Variants in SPON1 observed in about 807,000 individuals in gnomAD.
The protein encoded by SPON1 is spondin 1, also known as spondin-1.
In SPON1, 52 loss-of-function variants were observed where a neutral mutation model predicts 111.7. The ratio of observed to expected loss-of-function variants is 0.47; its 90% CI spans 0.37 to 0.59. The LOEUF (loss-of-function observed/expected upper bound fraction) is 0.59. SPON1 is among the 20% of genes least tolerant of loss of function. The probability of loss-of-function intolerance (pLI) is 0.00; values close to 1 mark genes in which losing one functional copy is unlikely to be tolerated. For missense variants in SPON1, 957 were observed against 1,068.5 expected, an observed-to-expected ratio of 0.90 and a Z score of 1.46; for synonymous variants, 410 against 395.8, an observed-to-expected ratio of 1.04 and a Z score of -0.43.
intron 2 of SPON1, among the ~76,000 whole-genome samples, chr11:14,014,853 A>G (rs1321854117): frequency 6.6e-6 from 1 of 152,232 alleles, no homozygotes; most frequent in East Asian, 1.9e-4. Flanking sequence ...CATGCATGCT[A>G]TAATACAAAG....
At chr11:14,178,944 G>A (rs1554933426) in intron 6 of SPON1, among the ~76,000 whole-genome samples, 2 of 152,194 alleles carry the variant, frequency 1.3e-5, no homozygotes, top group African/African-American at 4.8e-5. Flanking sequence ...TAATTTCAAT[G>A]ACTTGAATCA....
At chr11:14,031,494 G>A (rs1424620666) in intron 2 of SPON1, among the ~76,000 whole-genome samples, 1 of 152,122 alleles carries the variant, frequency 6.6e-6, no homozygotes, top group African/African-American at 2.4e-5. Context: ...TTATGTTTCT[G>A]TTAAGTTCAG....
chr11:14,244,746 TCAA>T (rs782538426), intron 7 of SPON1, among the ~76,000 whole-genome samples: 5 of 152,168 alleles, frequency 3.3e-5, no homozygotes, highest in East Asian at 1.9e-4. Context: ...AGACTCTGTC[TCAA>T]CAACAACAAA....
chr11:14,192,823 C>A (rs184473968), intron 6 of SPON1, among the ~76,000 whole-genome samples: 1 of 150,394 alleles, frequency 6.6e-6, no homozygotes, highest in Non-Finnish European at 1.5e-5. Context: ...CCAATATAGT[C>A]CAAACTGAGG....
chr11:14,253,762 T>C (rs185724410), intron 7 of SPON1, among the ~76,000 whole-genome samples: 16 of 152,336 alleles, frequency 1.1e-4, no homozygotes, highest in Middle Eastern at 6.8e-3. Flanking sequence ...TAACCACTTA[T>C]TCACTTTCAT....
At chr11:14,251,362 C>G (rs1554940644) in intron 7 of SPON1, among the ~76,000 whole-genome samples, 1 of 152,220 alleles carries the variant, frequency 6.6e-6, no homozygotes, top group Non-Finnish European at 1.5e-5. Flanking sequence ...TAGAGGGTAT[C>G]TCGCTTCAGC....
chr11:14,092,815 G>A (rs1422656784), intron 5 of SPON1, among the ~76,000 whole-genome samples: 1 of 152,140 alleles, frequency 6.6e-6, no homozygotes, highest in African/African-American at 2.4e-5. Flanking sequence ...AATTTTACAA[G>A]TGAAAAACTG....
In SPON1 at chr11:14,162,696, T is replaced by C. The variant is rs543633341; in HGVS notation, c.825+27128T>C. ...CCTTTTCTCACTCATATCTCATCAA[T>C]TTCAAAAGATTTTACCAAATTATGT... is the stretch of plus-strand genomic sequence containing the variant. On this transcript the variant is annotated intron_variant, in intron 6 of 15. Coordinates refer to ENST00000576479, the MANE Select transcript of SPON1 (RefSeq NM_006108.4). 6.6e-4 allele frequency among the ~76,000 whole-genome samples: 100 copies of C among 152,338 alleles called. No homozygotes were observed. The Middle Eastern group carries it at 0.014, about 21-fold the overall frequency.
chr11:14,001,569 A>G (rs1182162550), intron 2 of SPON1, among the ~76,000 whole-genome samples: 3 of 152,202 alleles, frequency 2.0e-5, no homozygotes, highest in Non-Finnish European at 4.4e-5. Context: ...ACCACACACA[A>G]AGATTCTGCC....
chr11:13,984,391 A>G (rs1848166349), intron 2 of SPON1, among the ~76,000 whole-genome samples: 1 of 152,162 alleles, frequency 6.6e-6, no homozygotes, highest in Non-Finnish European at 1.5e-5. Context: ...TATTTCACTT[A>G]CTTGACATGA....
intron 15 of SPON1, among the ~76,000 whole-genome samples, chr11:14,265,065 C>A (rs1849247757): frequency 6.6e-6 from 1 of 152,182 alleles, no homozygotes; most frequent in South Asian, 2.1e-4. Flanking sequence ...CTAGTTTGGA[C>A]TCATTCATGT....
chr11:13,963,988 G>T (rs887070977), intron 1 of SPON1, among the ~76,000 whole-genome samples: 1 of 152,124 alleles, frequency 6.6e-6, no homozygotes, highest in African/African-American at 2.4e-5. Context: ...CGCCTACGCC[G>T]CTCGGCTGAG....
At chr11:14,079,012 A>AC (rs1848939848) in intron 4 of SPON1, among the ~76,000 whole-genome samples, 1 of 152,210 alleles carries the variant, frequency 6.6e-6, no homozygotes. Flanking sequence ...CCAACTGCAA[A>AC]GAAAAAAAAA....
rs12271588 is a variant in SPON1, at chr11:14,079,937, G to C, written c.592G>C (p.Asp198His). The C allele has an allele frequency of 6.2e-7, 1 of 1,613,792 alleles. No individual in the cohort carries two copies. The highest frequency in any genetic ancestry group is 8.5e-7 in the Non-Finnish European group (1 of 1,179,872). The change falls in exon 5 of 16, where the codon GAC becomes CAC. Residue 198 changes from aspartate (D) to histidine (H), a missense_variant. Around this residue, in one of 5 missense-constraint regions of SPON1, gnomAD observed 5 missense variants for 17.8 expected, o/e 0.28. Transcript: ENST00000576479. ...FDGVTDKPIL[D>H]CCACGTAKYR... ...TGGGGTGACTGACAAACCCATCTTA[G>C]ACTGCTGTGCCTGCGGAACTGCCAA...
intron 3 of SPON1, among the ~76,000 whole-genome samples, chr11:14,069,626 C>T (rs1227399459): frequency 6.6e-6 from 1 of 152,100 alleles, no homozygotes; most frequent in Non-Finnish European, 1.5e-5. Context: ...TGGAAGTCAT[C>T]GTTTCTTATT....
chr11:14,092,173 C>T (rs1276171853), intron 5 of SPON1, among the ~76,000 whole-genome samples: 2 of 152,200 alleles, frequency 1.3e-5, no homozygotes, highest in African/African-American at 4.8e-5. Context: ...GAAACGGACC[C>T]CTTTTGCTTT....
At chr11:14,041,748 A>C (rs1232272178) in intron 3 of SPON1, 94 bp downstream of exon 3, 5 of 1,425,254 alleles carry the variant, frequency 3.5e-6, no homozygotes, top group Admixed American at 4.4e-5. Flanking sequence ...GAGCATCAGA[A>C]AGTTGCATCA....
chr11:13,999,902 G>T (rs1287222541), intron 2 of SPON1, among the ~76,000 whole-genome samples: 6 of 152,152 alleles, frequency 3.9e-5, no homozygotes, highest in African/African-American at 1.4e-4. Context: ...GGAGGACTGG[G>T]TGTTGGCTGG....
intron 2 of SPON1, among the ~76,000 whole-genome samples, chr11:14,015,627 A>G (rs1308419250): frequency 7.2e-5 from 11 of 152,258 alleles, no homozygotes; most frequent in African/African-American, 2.2e-4. Context: ...TAATTTCTGA[A>G]TTGATATGTC....
Sources: gnomAD v4.1 joint callset for allele counts (sites outside exome capture counted in the v4.1 genomes callset) on GRCh38, gnomAD v4.1.1 for gene constraint, gnomAD v4.1.1 regional missense constraint, MANE v1.5 for transcripts, NCBI Gene and HGNC (gene_info 2026-07-23, HGNC 2026-07-21) for gene names.